Variants in ECE1 observed in about 807,000 individuals in gnomAD.
ECE1 encodes the protein endothelin-converting enzyme 1.
In ECE1, 35 loss-of-function variants were observed where a neutral mutation model predicts 98.6. The observed-to-expected ratio is 0.35, with a 90% CI of 0.27 to 0.47. ECE1 has a LOEUF of 0.47. ECE1 is among the 20% of genes least tolerant of loss of function. ECE1 has a pLI of 1.00. For synonymous variants in ECE1, 394 were observed against 407.1 expected (o/e 0.97, Z 0.39); for missense variants, 814 against 1,025.3 (o/e 0.79, Z 2.81).
At chr1:21,251,180 G>C (rs1235719789) in intron 8 of ECE1, among the ~76,000 whole-genome samples, 3 of 152,030 alleles carry the variant, frequency 2.0e-5, no homozygotes, top group Non-Finnish European at 2.9e-5. Flanking sequence ...GAATTTGTGA[G>C]GAGGGCAGGT....
At position 21,260,999 on chromosome 1, in the gene ECE1, C is replaced by T. The variant is rs888649643; in HGVS notation, c.494-607G>A. ...CTTCTCAGACCTTACCCCAGACACC[C>T]GGAGATTCTGTTCCCTTCTCCCTCA... is the stretch of plus-strand genomic sequence containing the variant. On this transcript the variant is annotated intron_variant, in intron 4 of 18. Coordinates refer to ENST00000374893, the MANE Select transcript of ECE1 (RefSeq NM_001397.3). The surrounding 1 kb of genome is among the most constrained non-coding windows in gnomAD (Gnocchi z 4.3). Among the ~76,000 whole-genome samples the T allele has an allele frequency of 6.6e-6, 1 of 152,198 alleles. No homozygotes were observed. The highest frequency in any genetic ancestry group is 2.4e-5 in the African/African-American group (1 of 41,436).
intron 4 of ECE1, among the ~76,000 whole-genome samples, chr1:21,261,805 T>C (rs2098227257): frequency 6.6e-6 from 1 of 152,024 alleles, no homozygotes; most frequent in African/African-American, 2.4e-5. Context: ...GGCGTTCCAT[T>C]TGAGCTGGTT....
chr1:21,263,890 T>C (rs1184257947), intron 4 of ECE1, among the ~76,000 whole-genome samples: 1 of 152,030 alleles, frequency 6.6e-6, no homozygotes, highest in Non-Finnish European at 1.5e-5. Context: ...TTCTTTTTCC[T>C]CCTCACTCAG....
intron 2 of ECE1, among the ~76,000 whole-genome samples, chr1:21,284,750 G>C (rs2098258671): frequency 6.6e-6 from 1 of 152,210 alleles, no homozygotes; most frequent in Admixed American, 6.5e-5. Context: ...AAAGGGTGGG[G>C]AGCCAGGTGA....
In ECE1 at chr1:21,272,843, G is replaced by C; in HGVS notation, c.349C>G (p.Pro117Ala). The C allele has an allele frequency of 6.2e-7, 1 of 1,614,236 alleles. No homozygotes were observed. Among genetic ancestry groups the C allele is most frequent in the Non-Finnish European group, 8.5e-7 (1 of 1,180,042 alleles). ...AAGTCATGGCAGGGGTCCACTGTGGGGTCCATGGAGCTCAAGATGGAGCTG... is the reference window on the plus strand; with the variant it reads ...AAGTCATGGCAGGGGTCCACTGTGGCGTCCATGGAGCTCAAGATGGAGCTG... ...VTSSILSSMD[P>A]TVDPCHDFFS... The change falls in exon 4 of 19, where the codon CCC becomes GCC. Residue 117 changes from proline to alanine, a missense_variant. Physicochemically the swap from Pro to Ala is conservative, Grantham distance 27. Around this residue, in one of 3 missense-constraint regions of ECE1, gnomAD observed 257 missense variants for 278.9 expected, o/e 0.92. Transcript: ENST00000374893.
intron 6 of ECE1, 103 bp from the exon 7 acceptor site, chr1:21,257,693 C>T (rs1558392619): frequency 8.3e-7 from 1 of 1,211,722 alleles, no homozygotes; most frequent in East Asian, 2.4e-5. Flanking sequence ...AGCAGAGGCC[C>T]AGCTCAGGCC....
intron 1 of ECE1, among the ~76,000 whole-genome samples, chr1:21,313,005 G>C (rs548961619): frequency 6.6e-6 from 1 of 152,300 alleles, no homozygotes; most frequent in East Asian, 1.9e-4. Context: ...AACTCAGAGA[G>C]GGGTAGTGAC....
upstream of ECE1, among the ~76,000 whole-genome samples, chr1:21,291,165 A>G (rs1437307335): frequency 1.3e-5 from 2 of 151,972 alleles, no homozygotes; most frequent in East Asian, 3.9e-4. Context: ...GCCCTCTCCT[A>G]TAACCCTAGG....
chr1:21,338,322 A>G (rs1331620281), intron 1 of ECE1, among the ~76,000 whole-genome samples: 1 of 152,192 alleles, frequency 6.6e-6, no homozygotes, highest in Non-Finnish European at 1.5e-5. Context: ...AGAATCGCAA[A>G]ATGTTTATCT....
In ECE1 at chr1:21,255,948, T is replaced by C; in HGVS notation, c.1019A>G (p.Gln340Arg). ...CCTAGCAGCCGGCGCTCAAGTTACC[T>C]GCAGCTCGGCTGCCGTCACTTTGTG... The part of the protein sequence containing the change: ...IYHKVTAAEL[Q>R]TLAPAINWLP... The change falls in exon 8 of 19, where the codon CAG becomes CGG. Residue 340 changes from glutamine (Q) to arginine (R), a missense_variant and splice_region_variant. This residue lies in a region of ECE1 where 105 missense variants were observed against 179.1 expected (regional missense o/e 0.59). Transcript: ENST00000374893. 6.2e-7 allele frequency: 1 copy of C among 1,614,024 alleles called. No individual in the cohort carries two copies. Among genetic ancestry groups the C allele is most frequent in the Non-Finnish European group, 8.5e-7 (1 of 1,179,978 alleles).
At chr1:21,317,506 G>C (rs1638855034) in intron 1 of ECE1, among the ~76,000 whole-genome samples, 1 of 152,238 alleles carries the variant, frequency 6.6e-6, no homozygotes, top group Non-Finnish European at 1.5e-5. Context: ...CGCATCTGCA[G>C]CTCTGGGGAT....
In ECE1 at chr1:21,226,787, G is replaced by A. The variant is rs138564776; in HGVS notation, c.1849+372C>T. Among the ~76,000 whole-genome samples the A allele has an allele frequency of 6.0e-4, 91 of 152,134 alleles. 2 individuals are homozygous for A. The highest frequency in any genetic ancestry group is 1.9e-3 in the African/African-American group (79 of 41,518). On this transcript the variant is annotated intron_variant, in intron 16 of 18. Coordinates refer to ENST00000374893, the MANE Select transcript of ECE1 (RefSeq NM_001397.3). Reference sequence around the variant, plus strand: ...GTCACCCAGGCTGGACTGCAGTGGCGCAATCTCAGCTCACTGCAACCTCCG... The same window carrying A: ...GTCACCCAGGCTGGACTGCAGTGGCACAATCTCAGCTCACTGCAACCTCCG...
At chr1:21,297,854 A>T (rs1015833022) in intron 1 of ECE1, among the ~76,000 whole-genome samples, 1 of 138,214 alleles carries the variant, frequency 7.2e-6, no homozygotes, top group Non-Finnish European at 1.6e-5. Context: ...TTTTTTTTTT[A>T]AGAGACTAGG....
At chr1:21,335,147 G>A (rs1639281434) in intron 1 of ECE1, among the ~76,000 whole-genome samples, 2 of 151,914 alleles carry the variant, frequency 1.3e-5, no homozygotes, top group African/African-American at 2.4e-5. Context: ...TTGCTGTTCC[G>A]GCAGCCGGGA....
intron 14 of ECE1, among the ~76,000 whole-genome samples, chr1:21,229,297 C>T (rs768788414): frequency 8.6e-5 from 13 of 151,994 alleles, no homozygotes; most frequent in Non-Finnish European, 7.4e-5. Flanking sequence ...TATCCTCCCA[C>T]CTCAGCCTCT....
intron 10 of ECE1, among the ~76,000 whole-genome samples, chr1:21,238,808 C>CTTTTTTCT (rs975202899): frequency 7.9e-5 from 12 of 151,944 alleles, no homozygotes; most frequent in African/African-American, 2.7e-4. Flanking sequence ...CACCGCAGGA[C>CTTTTTTCT]TTTTTTCTTT....
In ECE1 at chr1:21,235,976, C is replaced by A. The variant is rs567658427; in HGVS notation, c.1489-49G>T. ...TGAGTGCCCGGCAACATCGACCAGGCCAGCCTGAGCAACTTGGGTGCTGGG... is the reference window on the plus strand; with the variant it reads ...TGAGTGCCCGGCAACATCGACCAGGACAGCCTGAGCAACTTGGGTGCTGGG... On this transcript the variant is annotated intron_variant, in intron 12 of 18. Coordinates refer to ENST00000374893, the MANE Select transcript of ECE1 (RefSeq NM_001397.3). The surrounding 1 kb of genome is among the most constrained non-coding windows in gnomAD (Gnocchi z 4.2). 1.3e-6 allele frequency: 2 copies of A among 1,569,270 alleles called. No homozygotes were observed. The highest frequency in any genetic ancestry group is 1.8e-6 in the Non-Finnish European group (2 of 1,139,288).
chr1:21,318,873 G>A (rs1437326485), intron 1 of ECE1, among the ~76,000 whole-genome samples: 1 of 152,228 alleles, frequency 6.6e-6, no homozygotes, highest in Non-Finnish European at 1.5e-5. Flanking sequence ...GACGCTGAGC[G>A]AGGGTCAGAA....
Position 21,322,129 on chromosome 1 carries a change from G to A in ECE1, c.3+23247C>T, listed in dbSNP as rs113055732. On this transcript the variant is annotated intron_variant, in intron 1 of 18. Transcript: ENST00000415912. This position sits in a 1 kb window ranked among gnomAD's most constrained non-coding sequence, Gnocchi z 4.1. ...CCCCACCTGGCTCATGTCAGGAGCTGGAACAACTTCTGAAGTCAGCATTAT... is the reference window on the plus strand; with the variant it reads ...CCCCACCTGGCTCATGTCAGGAGCTAGAACAACTTCTGAAGTCAGCATTAT... Among the ~76,000 whole-genome samples, 16 of 152,254 alleles carry A rather than the reference G, an allele frequency of 1.1e-4. No individual in the cohort carries two copies. The highest frequency in any genetic ancestry group is 3.9e-4 in the African/African-American group (16 of 41,550).
Sources: gnomAD v4.1 joint callset for allele counts (sites outside exome capture counted in the v4.1 genomes callset) on GRCh38, gnomAD v4.1.1 for gene constraint, gnomAD v4.1.1 regional missense constraint, Gnocchi (gnomAD v3.1) non-coding constraint, MANE v1.5 for transcripts, NCBI Gene and HGNC (gene_info 2026-07-23, HGNC 2026-07-21) for gene names.